The following CSMD1 variants were observed in gnomAD, a reference collection of about 807,000 sequenced individuals.
CSMD1 encodes the protein CUB and sushi domain-containing protein 1.
A neutral mutation model predicts 417.5 loss-of-function variants in CSMD1; 213 were observed. That is an observed-to-expected ratio of 0.51 (90% CI 0.46 to 0.57). The LOEUF is 0.57. Ranked by LOEUF, CSMD1 falls within the 20% of genes least tolerant of loss-of-function variation. CSMD1 has a pLI of 0.00. For synonymous variants in CSMD1, 2,862 were observed against 1,736.8 expected (o/e 1.65, Z -16.11); for missense variants, 6,923 against 4,529.7 (o/e 1.53, Z -15.17).
At chr8:4,756,265 A>G (rs1376890580) in intron 1 of CSMD1, among the ~76,000 whole-genome samples, 2 of 152,224 alleles carry the variant, frequency 1.3e-5, no homozygotes, top group African/African-American at 4.8e-5. Flanking sequence ...GAGCTAGTAT[A>G]AAATCACATT....
At chr8:3,420,220 G>T (rs6558767) in intron 12 of CSMD1, among the ~76,000 whole-genome samples, 3,755 of 152,080 alleles carry the variant, frequency 0.025, 159 homozygotes, top group African/African-American at 0.084. Flanking sequence ...CCTGGAAAAC[G>T]TATAACCCCA....
chr8:4,980,578 A>C (rs1305470934), intron 1 of CSMD1, among the ~76,000 whole-genome samples: 1 of 152,218 alleles, frequency 6.6e-6, no homozygotes, highest in Non-Finnish European at 1.5e-5. Context: ...AGAGACTTGA[A>C]TTTGTGAACT....
chr8:3,011,251 C>A (rs75358927), intron 52 of CSMD1, among the ~76,000 whole-genome samples: 3,669 of 152,240 alleles, frequency 0.024, 150 homozygotes, highest in African/African-American at 0.085. Flanking sequence ...TTTGGAAAAT[C>A]TGAGAACTGG....
At chr8:4,036,288 T>C (rs989908783) in intron 3 of CSMD1, among the ~76,000 whole-genome samples, 3 of 152,120 alleles carry the variant, frequency 2.0e-5, no homozygotes, top group East Asian at 1.9e-4. Context: ...GCTGTTGTTA[T>C]GGTCAAGCCT....
chr8:3,657,023 T>G (rs952877807), intron 7 of CSMD1, among the ~76,000 whole-genome samples: 1 of 151,218 alleles, frequency 6.6e-6, no homozygotes, highest in Non-Finnish European at 1.5e-5. Context: ...CAATGAGACA[T>G]ACAGGAAAGT....
chr8:3,462,574 G>C (rs1182497260), intron 12 of CSMD1, among the ~76,000 whole-genome samples: 1 of 152,176 alleles, frequency 6.6e-6, no homozygotes, highest in African/African-American at 2.4e-5. Flanking sequence ...CCATCACCCA[G>C]ATGGGACTGT....
intron 3 of CSMD1, among the ~76,000 whole-genome samples, chr8:4,116,055 T>C (rs1464488863): frequency 6.6e-6 from 1 of 151,848 alleles, no homozygotes; most frequent in Non-Finnish European, 1.5e-5. Context: ...GGCTAGATTG[T>C]AGTGGCAATC....
chr8:4,805,548 C>T (rs2117305594), intron 1 of CSMD1, among the ~76,000 whole-genome samples: 1 of 152,236 alleles, frequency 6.6e-6, no homozygotes, highest in Admixed American at 6.5e-5. Context: ...CTTAACCTTC[C>T]CCTCTCACTT....
At chr8:3,405,506 A>C (rs917714963) in intron 15 of CSMD1, among the ~76,000 whole-genome samples, 1 of 152,204 alleles carries the variant, frequency 6.6e-6, no homozygotes, top group Admixed American at 6.5e-5. Flanking sequence ...CTGTCCCCCC[A>C]AAAAATCATA....
At chr8:3,255,242 G>T (rs978781740) in intron 26 of CSMD1, among the ~76,000 whole-genome samples, 3 of 152,012 alleles carry the variant, frequency 2.0e-5, no homozygotes, top group African/African-American at 7.3e-5. Context: ...TTTTTCTCAG[G>T]GGTGTACCCA....
At chr8:3,051,870 T>C (rs904910560) in intron 50 of CSMD1, among the ~76,000 whole-genome samples, 48 of 152,176 alleles carry the variant, frequency 3.2e-4, no homozygotes, top group Admixed American at 2.3e-3. Context: ...TATTATTCCA[T>C]AAGACTAGAG....
At chr8:3,102,372 C>T (rs926630511) in intron 46 of CSMD1, among the ~76,000 whole-genome samples, 2 of 152,100 alleles carry the variant, frequency 1.3e-5, no homozygotes, top group African/African-American at 4.8e-5. Context: ...CAAATTGACT[C>T]GTGACTTGAA....
chr8:4,731,474 G>A (rs1032281671), intron 1 of CSMD1, among the ~76,000 whole-genome samples: 1 of 152,048 alleles, frequency 6.6e-6, no homozygotes, highest in South Asian at 2.1e-4. Flanking sequence ...AACTTGCCTT[G>A]GAAAGGAGCA....
At chr8:4,841,952 G>C (rs1159585638) in intron 1 of CSMD1, among the ~76,000 whole-genome samples, 2 of 97,986 alleles carry the variant, frequency 2.0e-5, no homozygotes, top group African/African-American at 8.2e-5. Flanking sequence ...CAGAACAATG[G>C]ATATAACTGT....
At chr8:4,135,872 G>A (rs867057838) in intron 3 of CSMD1, among the ~76,000 whole-genome samples, 3 of 152,110 alleles carry the variant, frequency 2.0e-5, no homozygotes, top group Non-Finnish European at 4.4e-5. Context: ...TAAGAAAAAT[G>A]TTCTGATAAA....
At chr8:3,447,566 G>T (rs751262136) in intron 12 of CSMD1, among the ~76,000 whole-genome samples, 1 of 152,206 alleles carries the variant, frequency 6.6e-6, no homozygotes. Context: ...TTCACAGAGG[G>T]CGACAGGAAG....
At chr8:3,425,813 C>T (rs1038167695) in intron 12 of CSMD1, among the ~76,000 whole-genome samples, 23 of 151,924 alleles carry the variant, frequency 1.5e-4, no homozygotes, top group South Asian at 4.1e-4. Flanking sequence ...CCTTGATTCA[C>T]GTATATTGAC....
rs1221639580 is a variant in CSMD1 at position 2,955,739 on chromosome 8, C to T, written c.9844G>A (p.Ala3282Thr). The stretch of plus-strand genomic sequence containing the variant: ...TCGATGGCTCTCACATCCGCGTGTG[C>T]CGGGGTTTCTGGCTGTCTGCAGGCA... The part of the protein sequence containing the change: ...PHACRQPETP[A>T]HADVRAIDLP... Residue 3282 changes from alanine to threonine, a missense_variant, in exon 64 of 70, where the codon GCA becomes ACA. By Grantham distance (58) the Ala-to-Thr change is moderately conservative (BLOSUM62 0). Coordinates refer to ENST00000635120, the MANE Select transcript of CSMD1 (RefSeq NM_033225.6). 1 of 1,613,794 alleles carries T rather than the reference C, an allele frequency of 6.2e-7. No homozygotes were observed. The highest frequency in any genetic ancestry group is 8.5e-7 in the Non-Finnish European group (1 of 1,179,768).
intron 25 of CSMD1, among the ~76,000 whole-genome samples, chr8:3,298,482 C>G (rs1293543409): frequency 6.6e-6 from 1 of 152,158 alleles, no homozygotes; most frequent in Non-Finnish European, 1.5e-5. Context: ...TAGACAGAGT[C>G]TTGATCTGTT....
Sources: gnomAD v4.1 joint callset for allele counts (sites outside exome capture counted in the v4.1 genomes callset) on GRCh38, gnomAD v4.1.1 for gene constraint, MANE v1.5 for transcripts, NCBI Gene and HGNC (gene_info 2026-07-23, HGNC 2026-07-21) for gene names.